KTN1: variants seen among roughly 807,000 people sequenced by gnomAD.
KTN1 encodes kinectin 1.
KTN1 carries 130 observed loss-of-function variants against 222.5 expected under a neutral mutation model. The ratio of observed to expected loss-of-function variants is 0.58; its 90% CI spans 0.51 to 0.68. The LOEUF (loss-of-function observed/expected upper bound fraction) is 0.68, where lower values mean the gene tolerates loss of function less well. KTN1 is among the 30% of genes least tolerant of loss of function. The pLI, the probability that KTN1 is intolerant of heterozygous loss-of-function variation, is 0.00. For missense variants in KTN1, 1,508 were observed against 1,500.4 expected, an observed-to-expected ratio of 1.01 and a Z score of -0.08; for synonymous variants, 512 against 496.3, an observed-to-expected ratio of 1.03 and a Z score of -0.42.
At chr14:55,644,807 A>G (rs565236601) in intron 18 of KTN1, among the ~76,000 whole-genome samples, 1 of 152,286 alleles carries the variant, frequency 6.6e-6, no homozygotes, top group East Asian at 1.9e-4. Context: ...CCAATAAAGT[A>G]TGAAGTAAAG....
In KTN1 at chr14:55,663,946, A is replaced by C. The variant is rs1180800342; in HGVS notation, c.3091-9A>C. ...ATAAACTGAAATCATTCTTTCTAAA[A>C]ATGATTAGGACCTTCGGGAGAAAAA... On this transcript the variant is annotated splice_polypyrimidine_tract_variant and intron_variant, in intron 32 of 43. Transcript: ENST00000395314. 1 of 1,599,978 alleles carries C rather than the reference A, an allele frequency of 6.3e-7. No homozygotes were observed. The highest frequency in any genetic ancestry group is 2.2e-5 in the East Asian group (1 of 44,558).
In KTN1 at chr14:55,585,412, T is replaced by C. The variant is rs906978476; in HGVS notation, c.-31+5058T>C. Reference sequence around the variant, plus strand: ...AAAATATATGTGCACCTTAAATGTTTTCACTTAAAATATTTGATTTTACTT... The same window carrying C: ...AAAATATATGTGCACCTTAAATGTTCTCACTTAAAATATTTGATTTTACTT... On this transcript the variant is annotated intron_variant, in intron 1 of 43. Coordinates refer to ENST00000395314, the MANE Select transcript of KTN1 (RefSeq NM_001079521.2). 3.3e-5 allele frequency among the ~76,000 whole-genome samples: 5 copies of C among 152,318 alleles called. No homozygotes were observed. The East Asian group carries it at 7.7e-4, about 23-fold the overall frequency.
Position 55,612,341 on chromosome 14 carries a change from C to T in KTN1, c.293C>T (p.Ala98Val), listed in dbSNP as rs2037702355. Residue 98 changes from alanine (A) to valine (V), a missense_variant, in exon 2 of 44, where the codon GCA (alanine) becomes GTA (valine). Coordinates refer to ENST00000395314, the MANE Select transcript of KTN1 (RefSeq NM_001079521.2). ...DALAVEDDQV[A>V]PVPLNVVETS... is the part of the protein sequence containing the mutation. ...TTGGCAGTAGAAGATGATCAAGTTG[C>T]ACCTGTTCCATTGAATGTCGTTGAA... The T allele has an allele frequency of 1.2e-6, 2 of 1,613,876 alleles. No individual in the cohort carries two copies. Among genetic ancestry groups the T allele is most frequent in the East Asian group, 2.2e-5 (1 of 44,894 alleles).
chr14:55,631,345 T>C (rs201380240), intron 7 of KTN1, among the ~76,000 whole-genome samples: 2 of 106,050 alleles, frequency 1.9e-5, no homozygotes. Flanking sequence ...AAGGTTGATA[T>C]ATATATATAT....
chr14:55,665,246 G>A lies in KTN1; in HGVS notation c.3177+1205G>A, dbSNP rs535089816. Among the ~76,000 whole-genome samples, 3 of 151,988 alleles carry A rather than the reference G, an allele frequency of 2.0e-5. No individual in the cohort carries two copies. The South Asian group carries it at 6.2e-4, about 32-fold the overall frequency. Reference sequence around the variant, plus strand: ...GATGAGGGTTTTAGTGTGGTTTCTGGTTGTTTATATTACTTTGTTTTTGAT... The same window carrying A: ...GATGAGGGTTTTAGTGTGGTTTCTGATTGTTTATATTACTTTGTTTTTGAT... On this transcript the variant is annotated intron_variant, in intron 33 of 43. Transcript: ENST00000395314.
intron 38 of KTN1, 35 bp downstream of exon 38, chr14:55,672,736 G>T (rs768037248): frequency 2.3e-5 from 33 of 1,419,068 alleles, no homozygotes; most frequent in Admixed American, 3.4e-5. Flanking sequence ...GTAACCTATG[G>T]ATTTGTTTTT....
chr14:55,645,333 G>C (rs561143388), intron 18 of KTN1, among the ~76,000 whole-genome samples: 1 of 152,166 alleles, frequency 6.6e-6, no homozygotes, highest in Non-Finnish European at 1.5e-5. Flanking sequence ...GATTTGCTAA[G>C]ACCTAATTAT....
At chr14:55,677,251 G>A (rs1348013621) in intron 41 of KTN1, among the ~76,000 whole-genome samples, 9 of 152,012 alleles carry the variant, frequency 5.9e-5, no homozygotes, top group Admixed American at 2.6e-4. Flanking sequence ...CAAGGTGGGC[G>A]GATCACCTGA....
Position 55,658,547 on chromosome 14 carries a change from A to G in KTN1, c.2894A>G (p.Asp965Gly), listed in dbSNP as rs768600077. Residue 965 changes from aspartate to glycine, a missense_variant and splice_region_variant, in exon 30 of 44, where the codon GAT becomes GGT. By Grantham distance (94) the Asp-to-Gly change is moderately conservative. Coordinates refer to ENST00000395314, the MANE Select transcript of KTN1 (RefSeq NM_001079521.2). ...GATGTTTAATTTTTATTTAATTAGG[A>G]TGTACAAGATGAAAACAAATTGTTT... ...DLSSKTQLLQ[D>G]VQDENKLFKS... 1.3e-6 allele frequency: 2 copies of G among 1,549,306 alleles called. No homozygotes were observed. The highest frequency in any genetic ancestry group is 2.3e-5 in the South Asian group (2 of 88,566).
intron 6 of KTN1, 53 bp from the exon 7 acceptor site, chr14:55,629,904 C>A: frequency 2.7e-6 from 3 of 1,106,868 alleles, no homozygotes; most frequent in East Asian, 2.4e-5. Flanking sequence ...TTGTTGCAGG[C>A]TTATGATACT....
intron 1 of KTN1, among the ~76,000 whole-genome samples, chr14:55,592,133 T>C (rs2034262162): frequency 2.6e-5 from 4 of 152,232 alleles, no homozygotes; most frequent in Admixed American, 2.6e-4. Context: ...TATCAGTGTT[T>C]TCCTTTTATA....
rs779679125 is a variant in KTN1, at chr14:55,675,898, G to A, written c.3835G>A (p.Val1279Ile). 1.2e-6 allele frequency: 2 copies of A among 1,613,064 alleles called. No homozygotes were observed. The highest frequency in any genetic ancestry group is 1.7e-6 in the Non-Finnish European group (2 of 1,179,140). ...LRTEQNERQK[V>I]AGDLHKAQQS... is the part of the protein sequence containing the mutation. ...AACTGAACAAAATGAAAGACAGAAG[G>A]TAGCTGGTGATTTGCATAAGGTAGG... Residue 1279 changes from valine to isoleucine, a missense_variant, in exon 41 of 44, where the codon GTA becomes ATA. By Grantham distance (29) the Val-to-Ile change is conservative (BLOSUM62 3). Transcript: ENST00000395314.
intron 34 of KTN1, among the ~76,000 whole-genome samples, chr14:55,669,008 G>A (rs562003018): frequency 1.3e-5 from 2 of 152,156 alleles, no homozygotes; most frequent in East Asian, 3.9e-4. Context: ...TACACTATCA[G>A]TTCTAGTGCT....
rs766497542 is a variant in KTN1, at chr14:55,673,166, T to C, written c.3688-6T>C. Reference sequence around the variant, plus strand: ...GATCAATCTTAAACTCTAAACTTCATTGCAGCTGAAAGATCTGTTGACTGA... The same window carrying C: ...GATCAATCTTAAACTCTAAACTTCACTGCAGCTGAAAGATCTGTTGACTGA... On this transcript the variant is annotated splice_region_variant and splice_polypyrimidine_tract_variant and intron_variant, in intron 39 of 43. Transcript: ENST00000395314. The C allele has an allele frequency of 2.1e-5, 34 of 1,610,242 alleles. No individual in the cohort carries two copies. The highest frequency in any genetic ancestry group is 3.3e-4 in the Middle Eastern group (2 of 6,072).
chr14:55,609,203 A>C (rs541167560), intron 1 of KTN1, among the ~76,000 whole-genome samples: 3 of 152,140 alleles, frequency 2.0e-5, no homozygotes, highest in East Asian at 3.9e-4. Context: ...CTCTGTGTCC[A>C]TATGTTCTCA....
intron 16 of KTN1, 36 bp from the exon 17 acceptor site, chr14:55,641,091 T>C (rs749893314): frequency 2.0e-6 from 3 of 1,500,678 alleles, no homozygotes; most frequent in African/African-American, 2.8e-5. Context: ...TTTCTGAATG[T>C]ATGAAGTATT....
At chr14:55,603,802 T>C (rs541042887) in intron 1 of KTN1, among the ~76,000 whole-genome samples, 1 of 152,336 alleles carries the variant, frequency 6.6e-6, no homozygotes, top group South Asian at 2.1e-4. Flanking sequence ...GCCTTAACCA[T>C]GTCCCTGCCA....
chr14:55,675,784 T>A, intron 40 of KTN1, 51 bp from the exon 41 acceptor site: 1 of 1,238,486 alleles, frequency 8.1e-7, no homozygotes, highest in Non-Finnish European at 1.2e-6. Context: ...ATCAGCATAA[T>A]CAAAGAATGA....
rs138133977 is a variant in KTN1 at position 55,627,728 on chromosome 14, T to A, written c.964-184T>A. 1.1e-4 allele frequency among the ~76,000 whole-genome samples: 17 copies of A among 152,308 alleles called. No individual in the cohort carries two copies. In the East Asian group the frequency reaches 2.7e-3, roughly 24 times the overall value. On this transcript the variant is annotated intron_variant, in intron 5 of 43. Coordinates refer to ENST00000395314, the MANE Select transcript of KTN1 (RefSeq NM_001079521.2). ...GAACATGCAGTGTTTGGTTTTCTGTTCTGGTGTTCGTTTGCTGAGAATGAT... is the reference window on the plus strand; with the variant it reads ...GAACATGCAGTGTTTGGTTTTCTGTACTGGTGTTCGTTTGCTGAGAATGAT...
Sources: gnomAD v4.1 joint callset for allele counts (sites outside exome capture counted in the v4.1 genomes callset) on GRCh38, gnomAD v4.1.1 for gene constraint, MANE v1.5 for transcripts, NCBI Gene and HGNC (gene_info 2026-07-23, HGNC 2026-07-21) for gene names.